The following BCLAF3 variants were observed in gnomAD, a reference collection of about 807,000 sequenced individuals.
BCLAF3 encodes the protein BCLAF1 and THRAP3 family member 3, also known as transient octamer binding factor 1.
A neutral mutation model predicts 51.2 loss-of-function variants in BCLAF3; 24 were observed. The observed-to-expected ratio is 0.47, with a 90% confidence interval of 0.34 to 0.66. The LOEUF (loss-of-function observed/expected upper bound fraction) is 0.66, where lower values mean the gene tolerates loss of function less well. Among genes scored for constraint, BCLAF3 ranks in the 30% least tolerant of loss-of-function variants. The pLI is 0.01. For missense variants in BCLAF3, 465 were observed against 525.1 expected, an observed-to-expected ratio of 0.89 and a Z score of 1.12; for synonymous variants, 152 against 176.6, an observed-to-expected ratio of 0.86 and a Z score of 1.10.
intron 8 of BCLAF3, among the ~76,000 whole-genome samples, chrX:19,946,650 C>T (rs1040113724): frequency 2.7e-5 from 3 of 111,979 alleles, no homozygotes; most frequent in Non-Finnish European, 5.6e-5. Context: ...AAAGTCTTCA[C>T]GTCCTTCAGT....
At chrX:19,934,932 T>G (rs1039244808) in intron 10 of BCLAF3, among the ~76,000 whole-genome samples, 6 of 112,065 alleles carry the variant, frequency 5.4e-5, no homozygotes, top group African/African-American at 1.9e-4. Context: ...AAGCCTGTAA[T>G]CCCAGCACTT....
chrX:19,988,493 C>T (rs988207314), intron 1 of BCLAF3, among the ~76,000 whole-genome samples: 4 of 111,818 alleles, frequency 3.6e-5, no homozygotes, highest in Non-Finnish European at 5.6e-5. Context: ...ATAACATGGC[C>T]GGGTGCAGTG....
At chrX:19,931,450 C>T (rs956668136) in intron 10 of BCLAF3, among the ~76,000 whole-genome samples, 4 of 111,776 alleles carry the variant, frequency 3.6e-5, no homozygotes, top group African/African-American at 6.5e-5. Context: ...TAGCTACTTG[C>T]CAACTTACTG....
intron 4 of BCLAF3, among the ~76,000 whole-genome samples, chrX:19,960,137 A>C (rs1205987349): frequency 9.0e-6 from 1 of 111,662 alleles, no homozygotes; most frequent in Non-Finnish European, 1.9e-5. Flanking sequence ...ATTTTTTTTA[A>C]CTTTCTTGGC....
At chrX:19,966,871 C>T (rs2072077238) in intron 2 of BCLAF3, among the ~76,000 whole-genome samples, 1 of 111,289 alleles carries the variant, frequency 9.0e-6, no homozygotes, top group Non-Finnish European at 1.9e-5. Flanking sequence ...CTAAGGTATT[C>T]CACGTGCTTA....
intron 4 of BCLAF3, among the ~76,000 whole-genome samples, chrX:19,961,677 T>C (rs1485809323): frequency 1.8e-5 from 2 of 112,675 alleles, no homozygotes; most frequent in African/African-American, 3.2e-5. Flanking sequence ...TCAGTCCACA[T>C]ATAATTAAAT....
intron 7 of BCLAF3, among the ~76,000 whole-genome samples, chrX:19,952,433 C>A (rs2071518678): frequency 1.1e-5 from 1 of 92,144 alleles, no homozygotes; most frequent in Non-Finnish European, 2.1e-5. Flanking sequence ...GACAGTCTTT[C>A]TAATTAGCAA....
chrX:19,974,765 C>G (rs751451233), intron 1 of BCLAF3, among the ~76,000 whole-genome samples: 1 of 109,985 alleles, frequency 9.1e-6, no homozygotes, highest in African/African-American at 3.3e-5. Context: ...GGCTGTAGTC[C>G]CAGCTACTCG....
chrX:19,913,901 T>C lies in BCLAF3; in HGVS notation c.*3404A>G, dbSNP rs140498020. On this transcript the variant is annotated 3_prime_UTR_variant, in exon 12 of 12. Coordinates refer to ENST00000379682, the MANE Select transcript of BCLAF3 (RefSeq NM_001367774.2). ...TTTGTCAAGATTTATAACATTTACA[T>C]ACTATTCTACATCTATGATTCCTCA... 8.9e-6 allele frequency: 1 copy of C among 112,134 alleles called. No homozygotes were observed. Among genetic ancestry groups the C allele is most frequent in the African/African-American group, 3.2e-5 (1 of 30,893 alleles). The allele number at this position is 112,134 out of a possible 1,213,427, so 9.2% of individuals were successfully genotyped here. A position where few individuals can be genotyped will look rare whatever the true frequency, so the allele number is the denominator to read the frequency against.
At chrX:19,973,204 G>A (rs2147997263) in intron 1 of BCLAF3, among the ~76,000 whole-genome samples, 1 of 111,536 alleles carries the variant, frequency 9.0e-6, no homozygotes, top group Admixed American at 9.6e-5. Context: ...TTTTTGATTT[G>A]CATTTCCCTA....
chrX:19,973,519 C>A (rs2072319146), intron 1 of BCLAF3, among the ~76,000 whole-genome samples: 1 of 111,302 alleles, frequency 9.0e-6, no homozygotes, highest in Non-Finnish European at 1.9e-5. Context: ...TTTTCCCCCA[C>A]ACACCCTACT....
intron 8 of BCLAF3, among the ~76,000 whole-genome samples, chrX:19,946,287 T>G (rs926496505): frequency 8.9e-6 from 1 of 112,398 alleles, no homozygotes; most frequent in East Asian, 2.8e-4. Context: ...TTCGGCCATC[T>G]TGGCTCCTCA....
chrX:19,935,798 A>G lies in BCLAF3; in HGVS notation c.1950+11T>C, dbSNP rs778845733. 4 of 1,182,065 alleles carry G rather than the reference A, an allele frequency of 3.4e-6. No homozygotes were observed. The highest frequency in any genetic ancestry group is 4.4e-5 in the Admixed American group (2 of 45,259). ...CAAAGCTGGAATTAAATGGAAAACA[A>G]CACTCAATACCTTAAAAGGTCTTAC... On this transcript the variant is annotated intron_variant, in intron 10 of 11. Transcript: ENST00000379682.
At chrX:19,965,943 C>T (rs962748059) in intron 3 of BCLAF3, 137 bp downstream of exon 3, 2 of 602,231 alleles carry the variant, frequency 3.3e-6, no homozygotes, top group African/African-American at 2.3e-5. Context: ...ACTACCAGTA[C>T]CCCATAATTA....
chrX:19,977,684 G>A (rs769095960), intron 1 of BCLAF3, among the ~76,000 whole-genome samples: 10 of 112,687 alleles, frequency 8.9e-5, no homozygotes, highest in East Asian at 2.8e-4. Flanking sequence ...CCAGAAGATC[G>A]CTGATGAAGG....
At position 19,937,369 on chromosome X, in the gene BCLAF3, T is replaced by C. The variant is rs775992947; in HGVS notation, c.1860+49A>G. ...GTGATCCCTGCACATTTTGATGTATTGGAGAAGAAGAAATTATAAAAATGC... is the reference window on the plus strand; with the variant it reads ...GTGATCCCTGCACATTTTGATGTATCGGAGAAGAAGAAATTATAAAAATGC... On this transcript the variant is annotated intron_variant, in intron 9 of 11. Transcript: ENST00000379682. The C allele has an allele frequency of 5.5e-5, 34 of 619,330 alleles. No homozygotes were observed. The South Asian group carries it at 6.4e-4, about 12-fold the overall frequency. The allele number at this position is 619,330 out of a possible 1,213,427, so 51.0% of individuals were successfully genotyped here. A position where few individuals can be genotyped will look rare whatever the true frequency, so the allele number is the denominator to read the frequency against.
At chrX:19,968,154 C>T (rs189930927) in intron 2 of BCLAF3, among the ~76,000 whole-genome samples, 1 of 112,875 alleles carries the variant, frequency 8.9e-6, no homozygotes, top group East Asian at 2.8e-4. Context: ...TTTCATAGCA[C>T]AGTGTCCCTT....
intron 8 of BCLAF3, among the ~76,000 whole-genome samples, chrX:19,947,746 A>T (rs2071357871): frequency 8.9e-6 from 1 of 112,055 alleles, no homozygotes; most frequent in Non-Finnish European, 1.9e-5. Context: ...CATTCAACAA[A>T]TATGAACTGA....
chrX:19,965,759 T>A (rs1402650894), intron 3 of BCLAF3, 53 bp from the exon 4 acceptor site: 1 of 1,056,484 alleles, frequency 9.5e-7, no homozygotes, highest in Non-Finnish European at 1.3e-6. Context: ...AAAGGGAGAA[T>A]TTATATGTGT....
Sources: gnomAD v4.1 joint callset for allele counts (sites outside exome capture counted in the v4.1 genomes callset) on GRCh38, gnomAD v4.1.1 for gene constraint, MANE v1.5 for transcripts, NCBI Gene and HGNC (gene_info 2026-07-23, HGNC 2026-07-21) for gene names.